The following MS4A15 variants were observed in gnomAD, a reference collection of about 807,000 sequenced individuals.
The protein encoded by MS4A15 is membrane-spanning 4-domains subfamily A member 15.
A neutral mutation model predicts 20.6 loss-of-function variants in MS4A15; 22 were observed. That is an observed-to-expected ratio of 1.07 (90% CI 0.76 to 1.52). The LOEUF (loss-of-function observed/expected upper bound fraction) is 1.52. Ranked by LOEUF, MS4A15 falls within the 40% of genes most tolerant of loss-of-function variation. MS4A15 has a pLI of 0.00. For synonymous variants in MS4A15, 129 were observed against 129.3 expected (o/e 1.00, Z 0.02); for missense variants, 312 against 323.0 (o/e 0.97, Z 0.26).
chr11:60,773,288 T>G, intron 4 of MS4A15, 104 bp from the exon 5 acceptor site: 1 of 840,778 alleles, frequency 1.2e-6, no homozygotes. Flanking sequence ...CCTCCTTGGC[T>G]GTGGGAGGCA....
chr11:60,776,569 A>G lies in MS4A15; in HGVS notation c.*854A>G, dbSNP rs1854199686. 1 of 152,100 alleles carries G rather than the reference A, an allele frequency of 6.6e-6. No individual in the cohort carries two copies. The highest frequency in any genetic ancestry group is 1.5e-5 in the Non-Finnish European group (1 of 68,132). The allele number at this position is 152,100 out of a possible 1,614,324, so 9.4% of individuals were successfully genotyped here. A position where few individuals can be genotyped will look rare whatever the true frequency, so the allele number is the denominator to read the frequency against. ...TCTCAGCACTCCCTTCCCCACCCCC[A>G]TAGCCCAAGGACAAGGCTACCACAG... On this transcript the variant is annotated 3_prime_UTR_variant, in exon 7 of 7. Transcript: ENST00000405633.
intron 1 of MS4A15, among the ~76,000 whole-genome samples, chr11:60,759,818 T>C (rs1459760345): frequency 6.6e-6 from 1 of 152,170 alleles, no homozygotes; most frequent in Non-Finnish European, 1.5e-5. Context: ...AACTTATTTA[T>C]GATGCAGATT....
rs143252069 is a variant in MS4A15 at position 60,766,974 on chromosome 11, T to G, written c.226-559T>G. 2.0e-3 allele frequency among the ~76,000 whole-genome samples: 298 copies of G among 152,316 alleles called. 2 individuals are homozygous for G. Among genetic ancestry groups the G allele is most frequent in the African/African-American group, 6.7e-3 (277 of 41,566 alleles). On this transcript the variant is annotated intron_variant, in intron 2 of 6. Coordinates refer to ENST00000405633, the MANE Select transcript of MS4A15 (RefSeq NM_001098835.2). ...GTTTCTGCTATTTGGCAGACCTTAC[T>G]AGAAGCTCACACTTGGGAAAACCAT...
chr11:60,760,828 G>A (rs993781603), intron 1 of MS4A15, among the ~76,000 whole-genome samples: 1 of 152,204 alleles, frequency 6.6e-6, no homozygotes, highest in Non-Finnish European at 1.5e-5. Context: ...TGACAATGAC[G>A]GTGATGACTC....
intron 4 of MS4A15, among the ~76,000 whole-genome samples, chr11:60,772,678 C>T (rs1162856545): frequency 6.6e-6 from 1 of 152,280 alleles, no homozygotes; most frequent in East Asian, 1.9e-4. Context: ...ATGAATGTTT[C>T]CCCTTGGGGC....
chr11:60,767,740 C>G (rs1853921444), intron 3 of MS4A15, 85 bp downstream of exon 3: 3 of 1,410,380 alleles, frequency 2.1e-6, no homozygotes, highest in Non-Finnish European at 2.8e-6. Context: ...CCACCATCCT[C>G]CTGGGCACAG....
Position 60,767,756 on chromosome 11 carries a change from C to T in MS4A15, c.348+101C>T. 2.2e-6 allele frequency: 3 copies of T among 1,349,670 alleles called. No homozygotes were observed. The South Asian group carries it at 5.0e-5, about 23-fold the overall frequency. 83.6% of individuals were successfully genotyped at this position (1,349,670 alleles called of 1,614,324 possible). A position where few individuals can be genotyped will look rare whatever the true frequency, so the allele number is the denominator to read the frequency against. On this transcript the variant is annotated intron_variant, in intron 3 of 6. Coordinates refer to ENST00000405633, the MANE Select transcript of MS4A15 (RefSeq NM_001098835.2). Reference sequence around the variant, plus strand: ...CACCATCCTCCTGGGCACAGCCTCTCCTAGGTGGGGGCCTGGAGGCACTTC... The same window carrying T: ...CACCATCCTCCTGGGCACAGCCTCTTCTAGGTGGGGGCCTGGAGGCACTTC...
intron 2 of MS4A15, among the ~76,000 whole-genome samples, chr11:60,767,254 C>T (rs993614203): frequency 6.6e-6 from 1 of 152,222 alleles, no homozygotes; most frequent in African/African-American, 2.4e-5. Context: ...GGTAGGGACA[C>T]AGCGATGCTT....
In MS4A15 at chr11:60,763,872, C is replaced by CG; in HGVS notation, c.139_140insG (p.Leu47ArgfsTer13). 8.1e-6 allele frequency: 13 copies of CG among 1,612,942 alleles called. No homozygotes were observed. The highest frequency in any genetic ancestry group is 1.1e-5 in the Non-Finnish European group (13 of 1,179,880). On this transcript the variant is annotated frameshift_variant, in exon 2 of 7. Transcript: ENST00000405633. LOFTEE classifies it high-confidence loss of function. ...GATTATGCAGTTTGAGGAGCCACCGCTGGGGGCACAGACACCAAGGGCCAC... is the reference window on the plus strand; with the variant it reads ...GATTATGCAGTTTGAGGAGCCACCGCGTGGGGGCACAGACACCAAGGGCCAC...
At chr11:60,763,566 A>G in intron 1 of MS4A15, 140 bp from the exon 2 acceptor site, 1 of 677,604 alleles carries the variant, frequency 1.5e-6, no homozygotes, top group Non-Finnish European at 2.5e-6. Flanking sequence ...TCTGAGTCTC[A>G]GCTTCCCCAG....
chr11:60,770,219 G>A (rs1196771184), intron 3 of MS4A15, among the ~76,000 whole-genome samples: 1 of 152,190 alleles, frequency 6.6e-6, no homozygotes. Flanking sequence ...AGTAGCCCCA[G>A]TGACCGCTAT....
At chr11:60,774,829 G>C (rs1407574116) in intron 6 of MS4A15, among the ~76,000 whole-genome samples, 5 of 152,242 alleles carry the variant, frequency 3.3e-5, no homozygotes, top group African/African-American at 1.2e-4. Context: ...GATGCATTGA[G>C]GGTGAGGGGA....
At chr11:60,763,668 A>G (rs1853804256) in intron 1 of MS4A15, 38 bp from the exon 2 acceptor site, 9 of 1,557,474 alleles carry the variant, frequency 5.8e-6, no homozygotes, top group East Asian at 4.5e-5. Context: ...CTTTATGCAC[A>G]TGGGTGACAA....
chr11:60,764,919 G>A (rs1400379866), intron 2 of MS4A15, among the ~76,000 whole-genome samples: 1 of 151,676 alleles, frequency 6.6e-6, no homozygotes, highest in African/African-American at 2.4e-5. Flanking sequence ...AAAAAAAAAA[G>A]AAAAAGAAAA....
intron 1 of MS4A15, among the ~76,000 whole-genome samples, chr11:60,758,319 C>T (rs891142458): frequency 2.0e-4 from 31 of 152,064 alleles, no homozygotes; most frequent in African/African-American, 7.0e-4. Flanking sequence ...AACAAGGTGC[C>T]ACAGAAACAT....
intron 3 of MS4A15, among the ~76,000 whole-genome samples, chr11:60,769,408 G>A (rs1853972013): frequency 6.6e-6 from 1 of 152,020 alleles, no homozygotes; most frequent in South Asian, 2.1e-4. Context: ...GATGGTGGAT[G>A]ACTTGGAAGG....
At chr11:60,764,652 T>G (rs1853835853) in intron 2 of MS4A15, among the ~76,000 whole-genome samples, 1 of 152,240 alleles carries the variant, frequency 6.6e-6, no homozygotes, top group Non-Finnish European at 1.5e-5. Context: ...GGCTTACGCC[T>G]GTAATCCCAG....
In MS4A15 at chr11:60,768,529, C is replaced by T. The variant is rs568904871; in HGVS notation, c.348+874C>T. 2.0e-5 allele frequency among the ~76,000 whole-genome samples: 3 copies of T among 152,312 alleles called. No individual in the cohort carries two copies. In the South Asian group the frequency reaches 6.2e-4, roughly 32 times the overall value. On this transcript the variant is annotated intron_variant, in intron 3 of 6. Transcript: ENST00000405633. ...CCCCATCAATACATCACCAGAGCCTCCAGCCGCCCCAAGGAAGCACAGGCC... is the reference window on the plus strand; with the variant it reads ...CCCCATCAATACATCACCAGAGCCTTCAGCCGCCCCAAGGAAGCACAGGCC...
In MS4A15 at chr11:60,763,690, A is replaced by C; in HGVS notation, c.-28-16A>C. Reference sequence around the variant, plus strand: ...CACATGGGTGACAATCATCATTGCCATTATTATCTCCCAAGCCTTTGTTTC... The same window carrying C: ...CACATGGGTGACAATCATCATTGCCCTTATTATCTCCCAAGCCTTTGTTTC... On this transcript the variant is annotated splice_polypyrimidine_tract_variant and intron_variant, in intron 1 of 6. Coordinates refer to ENST00000405633, the MANE Select transcript of MS4A15 (RefSeq NM_001098835.2). 1 of 1,600,024 alleles carries C rather than the reference A, an allele frequency of 6.2e-7. No individual in the cohort carries two copies. The highest frequency in any genetic ancestry group is 1.1e-5 in the South Asian group (1 of 90,612).
Sources: gnomAD v4.1 joint callset for allele counts (sites outside exome capture counted in the v4.1 genomes callset) on GRCh38, gnomAD v4.1.1 for gene constraint, MANE v1.5 for transcripts, NCBI Gene and HGNC (gene_info 2026-07-23, HGNC 2026-07-21) for gene names.